Variants in PASK observed in about 807,000 individuals in gnomAD.
PASK encodes the protein PAS domain containing serine/threonine kinase, also known as PAS domain-containing serine/threonine-protein kinase.
Under a neutral mutation model 121.0 loss-of-function variants are expected in PASK, and 110 were observed. That is an observed-to-expected ratio of 0.91 (90% CI 0.78 to 1.06). PASK has a LOEUF of 1.06. Ranked by LOEUF, PASK falls within the 50% of genes least tolerant of loss-of-function variation. The pLI, the probability that PASK is intolerant of heterozygous loss-of-function variation, is 0.00. For missense variants in PASK, 1,643 were observed against 1,702.3 expected, an observed-to-expected ratio of 0.97 and a Z score of 0.61; for synonymous variants, 686 against 717.8, an observed-to-expected ratio of 0.96 and a Z score of 0.71.
intron 1 of PASK, among the ~76,000 whole-genome samples, chr2:241,148,890 G>A (rs1455513969): frequency 6.6e-6 from 1 of 151,964 alleles, no homozygotes; most frequent in African/African-American, 2.4e-5. Context: ...GGCCCCTGCC[G>A]TACTCTGGGA....
At chr2:241,144,187 A>C (rs772870899) in intron 1 of PASK, among the ~76,000 whole-genome samples, 3 of 152,172 alleles carry the variant, frequency 2.0e-5, no homozygotes, top group African/African-American at 7.2e-5. Context: ...TGTTCCATGC[A>C]GTCTTGTCAC....
At chr2:241,148,933 T>A (rs2067119949) in intron 1 of PASK, among the ~76,000 whole-genome samples, 1 of 151,894 alleles carries the variant, frequency 6.6e-6, no homozygotes, top group Non-Finnish European at 1.5e-5. Context: ...AAGGCTCAAG[T>A]CCAGGTCTTT....
upstream of PASK, chr2:241,150,020 A>G: frequency 7.2e-7 from 1 of 1,392,046 alleles, no homozygotes; most frequent in Non-Finnish European, 9.3e-7. Context: ...GGCCCATTGT[A>G]CAGACGCAGC....
rs750727879 is a variant in PASK at position 241,122,784 on chromosome 2, C to T, written c.3020G>A (p.Ser1007Asn). 2 of 1,614,118 alleles carry T rather than the reference C, an allele frequency of 1.2e-6. No homozygotes were observed. The highest frequency in any genetic ancestry group is 1.7e-6 in the Non-Finnish European group (2 of 1,180,042). The change falls in exon 12 of 18, where the codon AGT becomes AAT. Residue 1007 changes from serine to asparagine, a missense_variant. Ser to Asn is a conservative substitution (Grantham distance 46). Transcript: ENST00000234040. ...AGTCCACACGAAGCCGAAGGCCCCA[C>T]TGCCCAGCGGGCTCATGGTACTGTA... ...QKYSTMSPLG[S>N]GAFGFVWTAV...
intron 7 of PASK, 121 bp downstream of exon 7, chr2:241,136,883 G>T: frequency 1.1e-6 from 1 of 915,246 alleles, no homozygotes; most frequent in Non-Finnish European, 1.7e-6. Flanking sequence ...GTCCTTCCTG[G>T]GTAAAGGAGC....
At chr2:241,146,097 T>A (rs917650181) in intron 1 of PASK, among the ~76,000 whole-genome samples, 5 of 152,178 alleles carry the variant, frequency 3.3e-5, no homozygotes, top group African/African-American at 1.2e-4. Flanking sequence ...CTATTTAAAA[T>A]TTAAACATTT....
At position 241,142,912 on chromosome 2, in the gene PASK, AC is replaced by A; in HGVS notation, c.120del (p.Ser42ProfsTer7). On this transcript the variant is annotated frameshift_variant, in exon 2 of 18. Transcript: ENST00000234040. LOFTEE classifies it high-confidence loss of function. Reference protein sequence around the residue: ...AAQTTAEPSRSFSSAHRHLSR... With the variant: ...AAQTTAEPSRXFSSAHRHLSR... ...CTCAGGTGTCTGTGGGCTGAGGAAA[AC>A]GACCTGCTGGGCTCAGCAGTGGTCT... is the stretch of plus-strand genomic sequence containing the variant. The A allele has an allele frequency of 6.2e-7, 1 of 1,614,082 alleles. No homozygotes were observed. Among genetic ancestry groups the A allele is most frequent in the Non-Finnish European group, 8.5e-7 (1 of 1,179,976 alleles).
chr2:241,127,958 T>C (rs1384817454), intron 9 of PASK, among the ~76,000 whole-genome samples: 1 of 152,204 alleles, frequency 6.6e-6, no homozygotes, highest in African/African-American at 2.4e-5. Flanking sequence ...GGGAAATGGC[T>C]CTCAGATGGG....
rs1205812920 is a variant in PASK, at chr2:241,124,140, G to A, written c.2720-7C>T. 6.2e-7 allele frequency: 1 copy of A among 1,613,010 alleles called. No individual in the cohort carries two copies. Among genetic ancestry groups the A allele is most frequent in the Non-Finnish European group, 8.5e-7 (1 of 1,179,316 alleles). On this transcript the variant is annotated splice_polypyrimidine_tract_variant and splice_region_variant and intron_variant, in intron 10 of 17. Transcript: ENST00000234040. The stretch of plus-strand genomic sequence containing the variant: ...CTCACCTCAAACTGTATACCTGAAG[G>A]GTGAGAAGGTAAGAACGCACAGGCC...
upstream of PASK, chr2:241,149,710 T>C (rs752126274): frequency 1.3e-6 from 2 of 1,550,826 alleles, no homozygotes; most frequent in South Asian, 1.2e-5. Flanking sequence ...TCAAAATGGG[T>C]GAGTAGCGCA....
intron 6 of PASK, 126 bp from the exon 7 acceptor site, chr2:241,137,390 C>A (rs2066485787): frequency 5.1e-6 from 4 of 786,996 alleles, no homozygotes; most frequent in Non-Finnish European, 9.1e-6. Flanking sequence ...ATCTCACACC[C>A]ACACTGCTCT....
intron 1 of PASK, among the ~76,000 whole-genome samples, chr2:241,144,974 C>T (rs957208041): frequency 2.6e-5 from 4 of 152,082 alleles, no homozygotes; most frequent in South Asian, 2.1e-4. Flanking sequence ...AGTGCAGTGG[C>T]GCGACTTCGG....
chr2:241,148,898 G>A (rs1451304704), intron 1 of PASK, among the ~76,000 whole-genome samples: 2 of 152,162 alleles, frequency 1.3e-5, no homozygotes, highest in South Asian at 2.1e-4. Flanking sequence ...CCGTACTCTG[G>A]GAAAGAAAAA....
chr2:241,125,195 G>A (rs1184617353), intron 10 of PASK, among the ~76,000 whole-genome samples: 1 of 152,140 alleles, frequency 6.6e-6, no homozygotes, highest in Non-Finnish European at 1.5e-5. Flanking sequence ...CAGCTACTCA[G>A]GAGGCTGGGG....
intron 9 of PASK, chr2:241,127,696 A>G: frequency 1.9e-6 from 1 of 531,700 alleles, no homozygotes; most frequent in Non-Finnish European, 3.4e-6. Context: ...AGTAAAGTAC[A>G]GGAGAACTTG....
chr2:241,112,462 G>A lies in PASK; in HGVS notation c.3334-23C>T. 2 of 1,554,196 alleles carry A rather than the reference G, an allele frequency of 1.3e-6. No individual in the cohort carries two copies. The highest frequency in any genetic ancestry group is 1.2e-5 in the South Asian group (1 of 86,704). On this transcript the variant is annotated intron_variant, in intron 14 of 17. Transcript: ENST00000234040. The surrounding 1 kb of genome is among the most constrained non-coding windows in gnomAD (Gnocchi z 5.2). Reference sequence around the variant, plus strand: ...TAGCTGGAATCAGGAGGCCAGAGGGGGCTTTTTAAAAAAGCAATTCAACTA... The same window carrying A: ...TAGCTGGAATCAGGAGGCCAGAGGGAGCTTTTTAAAAAAGCAATTCAACTA...
chr2:241,109,854 A>G (rs1319499792), intron 15 of PASK: 1 of 152,256 alleles, frequency 6.6e-6, no homozygotes, highest in African/African-American at 2.4e-5. Context: ...AATAGTAAAT[A>G]TTTCAGGTTT....
intron 8 of PASK, chr2:241,133,795 C>A (rs2066280510): frequency 6.5e-6 from 1 of 152,836 alleles, no homozygotes. Flanking sequence ...CCAGCCTGAC[C>A]AACATGGAGA....
chr2:241,136,420 G>A (rs1228710744), intron 7 of PASK, among the ~76,000 whole-genome samples: 3 of 152,178 alleles, frequency 2.0e-5, no homozygotes, highest in Non-Finnish European at 4.4e-5. Flanking sequence ...CAGAAGGACT[G>A]TGGGGCCTTC....
Sources: allele counts gnomAD v4.1 joint callset (sites outside exome capture counted in the v4.1 genomes callset), GRCh38; gene constraint gnomAD v4.1.1; non-coding constraint Gnocchi (gnomAD v3.1); transcripts MANE v1.5; gene names NCBI Gene and HGNC (gene_info 2026-07-23, HGNC 2026-07-21).